Variants in KCNQ1OT1 observed in about 807,000 individuals in gnomAD.
The protein encoded by KCNQ1OT1 is KCNQ1 opposite strand/antisense transcript 1.
At chr11:2,693,892 C>T in exon 1 of KCNQ1OT1, 1 of 398,780 alleles carries the variant, frequency 2.5e-6, no homozygotes, top group Non-Finnish European at 4.4e-6. Context: ...CCCTACTCGT[C>T]CTCCTCCTGG....
In KCNQ1OT1 at chr11:2,674,205, G is replaced by T; in HGVS notation, n.25790C>A. 2.5e-6 allele frequency: 1 copy of T among 398,690 alleles called. No homozygotes were observed. Among genetic ancestry groups the T allele is most frequent in the Non-Finnish European group, 4.4e-6 (1 of 226,144 alleles). The allele number at this position is 398,690 out of a possible 1,614,324, so 24.7% of individuals were successfully genotyped here. A position where few individuals can be genotyped will look rare whatever the true frequency, so the allele number is the denominator to read the frequency against. On this transcript the variant is annotated non_coding_transcript_exon_variant, in exon 1 of 1. Transcript: ENST00000597346. This position sits in a 1 kb window ranked among gnomAD's most constrained non-coding sequence, Gnocchi z 5.9. The stretch of plus-strand genomic sequence containing the variant: ...GGCTGGGGAGAGCACAGCCAGTTGT[G>T]GGTTTTTCTTGGGGCCCAGATAGAT...
exon 1 of KCNQ1OT1, chr11:2,634,184 T>C: frequency 2.5e-6 from 1 of 397,058 alleles, no homozygotes; most frequent in Admixed American, 4.4e-5. Flanking sequence ...CTTTTTTTTA[T>C]TATACTTTAA....
chr11:2,637,528 A>G (rs1849493486), exon 1 of KCNQ1OT1: 2 of 152,194 alleles, frequency 1.3e-5, no homozygotes, highest in African/African-American at 4.8e-5. Context: ...TTCTAGTTTG[A>G]TTGCACTGTG....
Position 2,665,125 on chromosome 11 carries a change from G to A in KCNQ1OT1, n.34870C>T, listed in dbSNP as rs972702761. On this transcript the variant is annotated non_coding_transcript_exon_variant, in exon 1 of 1. Transcript: ENST00000597346. ...TGGCGTCGCTGCACCCCAGCCTATAGGTGGGCCCTACTGCTCAGCCTCAGG... is the reference window on the plus strand; with the variant it reads ...TGGCGTCGCTGCACCCCAGCCTATAAGTGGGCCCTACTGCTCAGCCTCAGG... The A allele has an allele frequency of 9.8e-5, 39 of 398,624 alleles. No homozygotes were observed. The Admixed American group carries it at 1.6e-3, about 17-fold the overall frequency. The allele number at this position is 398,624 out of a possible 1,614,324, so 24.7% of individuals were successfully genotyped here.
Position 2,661,806 on chromosome 11 carries a change from C to T in KCNQ1OT1, n.38189G>A. On this transcript the variant is annotated non_coding_transcript_exon_variant, in exon 1 of 1. Coordinates refer to ENST00000597346, the Ensembl canonical transcript of KCNQ1OT1. The surrounding 1 kb of genome is among the most constrained non-coding windows in gnomAD (Gnocchi z 5.9). Reference sequence around the variant, plus strand: ...TGGGGCCATCTTAAACACCCACCCACCCCAACACCCAACTATAAAACTGAT... The same window carrying T: ...TGGGGCCATCTTAAACACCCACCCATCCCAACACCCAACTATAAAACTGAT... 3.4e-6 allele frequency: 3 copies of T among 886,076 alleles called. No individual in the cohort carries two copies. The highest frequency in any genetic ancestry group is 3.6e-6 in the Non-Finnish European group (2 of 555,886). The allele number at this position is 886,076 out of a possible 1,614,324, so 54.9% of individuals were successfully genotyped here.
At chr11:2,629,980 ATCTTTT>A in exon 1 of KCNQ1OT1, 1 of 398,358 alleles carries the variant, frequency 2.5e-6, no homozygotes. Context: ...TGGTGAGAAT[ATCTTTT>A]TCTTGTTCCT....
chr11:2,693,442 C>G (rs992604225), exon 1 of KCNQ1OT1: 2 of 398,522 alleles, frequency 5.0e-6, no homozygotes, highest in Non-Finnish European at 8.8e-6. Flanking sequence ...CGCTGGCCCC[C>G]CATCGAGTCC....
rs2133860313 is a variant in KCNQ1OT1 at position 2,664,888 on chromosome 11, A to G, written n.35107T>C. 2 of 398,556 alleles carry G rather than the reference A, an allele frequency of 5.0e-6. No individual in the cohort carries two copies. Among genetic ancestry groups the G allele is most frequent in the South Asian group, 1.3e-4 (1 of 7,850 alleles). 24.7% of individuals were successfully genotyped at this position (398,556 alleles called of 1,614,324 possible). ...ATTCAAATTAAAAACATAAATAAAG[A>G]CACATTTTGTTTCCATCTCGAGCTC... On this transcript the variant is annotated non_coding_transcript_exon_variant, in exon 1 of 1. Coordinates refer to ENST00000597346, the Ensembl canonical transcript of KCNQ1OT1. This position sits in a 1 kb window ranked among gnomAD's most constrained non-coding sequence, Gnocchi z 5.1.
exon 1 of KCNQ1OT1, chr11:2,648,763 T>C (rs1849706685): frequency 2.5e-6 from 1 of 398,524 alleles, no homozygotes; most frequent in Non-Finnish European, 4.4e-6. Context: ...TCCTTGTTGA[T>C]ATTTTTCCAT....
At chr11:2,631,266 T>C (rs1348429319) in exon 1 of KCNQ1OT1, 3 of 398,416 alleles carry the variant, frequency 7.5e-6, no homozygotes, top group Non-Finnish European at 1.3e-5. Context: ...AAACTTCCCT[T>C]GTTACCTTTT....
Position 2,651,133 on chromosome 11 carries a change from C to A in KCNQ1OT1, n.48862G>T. 2.5e-6 allele frequency: 1 copy of A among 398,678 alleles called. No individual in the cohort carries two copies. Among genetic ancestry groups the A allele is most frequent in the South Asian group, 1.3e-4 (1 of 7,846 alleles). The allele number at this position is 398,678 out of a possible 1,614,324, so 24.7% of individuals were successfully genotyped here. ...GTACTCCATTCTTCACATAACAGCT[C>A]AAGGGAGTTCTTTAAATGTACAGTG... On this transcript the variant is annotated non_coding_transcript_exon_variant, in exon 1 of 1. Transcript: ENST00000597346. The surrounding 1 kb of genome is among the most constrained non-coding windows in gnomAD (Gnocchi z 6.1).
exon 1 of KCNQ1OT1, chr11:2,662,317 A>G: frequency 1.7e-6 from 1 of 587,066 alleles, no homozygotes; most frequent in Non-Finnish European, 3.0e-6. Flanking sequence ...GGAAAACCAG[A>G]CTGATCATTT....
exon 1 of KCNQ1OT1, chr11:2,672,581 T>C: frequency 2.5e-6 from 1 of 398,660 alleles, no homozygotes; most frequent in Admixed American, 4.4e-5. Context: ...ATGGCCTGAA[T>C]TTTGATTGGG....
In KCNQ1OT1 at chr11:2,613,648, A is replaced by C. The variant is rs1849016366; in HGVS notation, n.86347T>G. On this transcript the variant is annotated non_coding_transcript_exon_variant, in exon 1 of 1. Coordinates refer to ENST00000597346, the Ensembl canonical transcript of KCNQ1OT1. The surrounding 1 kb of genome is among the most constrained non-coding windows in gnomAD (Gnocchi z 4.8). ...TTGCTTTTCAGGGAGTGGTTATATC[A>C]AGGTGCTCATTCCACCACCTCAGAA... The C allele has an allele frequency of 1.8e-5, 7 of 398,426 alleles. No individual in the cohort carries two copies. The East Asian group carries it at 2.5e-4, about 14-fold the overall frequency. 24.7% of individuals were successfully genotyped at this position (398,426 alleles called of 1,614,324 possible). A position where few individuals can be genotyped will look rare whatever the true frequency, so the allele number is the denominator to read the frequency against.
exon 1 of KCNQ1OT1, chr11:2,637,085 G>C (rs535801539): frequency 6.6e-6 from 1 of 151,810 alleles, no homozygotes; most frequent in African/African-American, 2.4e-5. Context: ...TTCTTTATTA[G>C]TCTTGCTAGA....
exon 1 of KCNQ1OT1, chr11:2,619,488 A>G: frequency 2.5e-6 from 1 of 398,606 alleles, no homozygotes; most frequent in Non-Finnish European, 4.4e-6. Flanking sequence ...TGTATATTAA[A>G]TAAGATTTGC....
chr11:2,624,340 A>G lies in KCNQ1OT1; in HGVS notation n.75655T>C. On this transcript the variant is annotated non_coding_transcript_exon_variant, in exon 1 of 1. Coordinates refer to ENST00000597346, the Ensembl canonical transcript of KCNQ1OT1. This position sits in a 1 kb window ranked among gnomAD's most constrained non-coding sequence, Gnocchi z 4.9. Reference sequence around the variant, plus strand: ...GAGTCCTTTATCAGGTATATCTTTTACAAGTATTGTCTCCCTTCTGTGGCC... The same window carrying G: ...GAGTCCTTTATCAGGTATATCTTTTGCAAGTATTGTCTCCCTTCTGTGGCC... 1 of 398,508 alleles carries G rather than the reference A, an allele frequency of 2.5e-6. No homozygotes were observed. Among genetic ancestry groups the G allele is most frequent in the Non-Finnish European group, 4.4e-6 (1 of 226,028 alleles). The allele number at this position is 398,508 out of a possible 1,614,324, so 24.7% of individuals were successfully genotyped here. A position where few individuals can be genotyped will look rare whatever the true frequency, so the allele number is the denominator to read the frequency against.
chr11:2,685,992 C>T (rs1368879333), exon 1 of KCNQ1OT1: 1 of 398,730 alleles, frequency 2.5e-6, no homozygotes, highest in African/African-American at 2.1e-5. Context: ...CCTCAGACTC[C>T]ACACCAAGAA....
At position 2,613,733 on chromosome 11, in the gene KCNQ1OT1, A is replaced by C; in HGVS notation, n.86262T>G. 1 of 398,440 alleles carries C rather than the reference A, an allele frequency of 2.5e-6. No individual in the cohort carries two copies. 24.7% of individuals were successfully genotyped at this position (398,440 alleles called of 1,614,324 possible). ...ACATATAACATTAACATACTTCCAA[A>C]AGTCAATACTAAACAAAAGGAGCTA... On this transcript the variant is annotated non_coding_transcript_exon_variant, in exon 1 of 1. Transcript: ENST00000597346. This position sits in a 1 kb window ranked among gnomAD's most constrained non-coding sequence, Gnocchi z 4.8.
Sources: allele counts gnomAD v4.1 joint callset, GRCh38; gene constraint gnomAD v4.1.1; non-coding constraint Gnocchi (gnomAD v3.1); transcripts MANE v1.5; gene names NCBI Gene and HGNC (gene_info 2026-07-23, HGNC 2026-07-21).